Variants in IDO2 observed in about 807,000 individuals in gnomAD.
The protein encoded by IDO2 is indoleamine 2,3-dioxygenase-like 1 protein.
Under a neutral mutation model 45.1 loss-of-function variants are expected in IDO2, and 46 were observed. That is an observed-to-expected ratio of 1.02 (90% CI 0.80 to 1.30). The LOEUF is 1.30. Ranked by LOEUF, IDO2 falls within the 50% of genes most tolerant of loss-of-function variation. The probability of loss-of-function intolerance (pLI) is 0.00; values close to 1 mark genes in which losing one functional copy is unlikely to be tolerated. For synonymous variants in IDO2, 218 were observed against 184.9 expected, an observed-to-expected ratio of 1.18 and a Z score of -1.45; for missense variants, 544 against 491.8, an observed-to-expected ratio of 1.11 and a Z score of -1.00.
intron 3 of IDO2, among the ~76,000 whole-genome samples, chr8:39,972,207 T>G (rs567321899): frequency 1.4e-4 from 21 of 152,380 alleles, no homozygotes; most frequent in African/African-American, 4.6e-4. Flanking sequence ...GTGTTTGAGC[T>G]GCTGTTGAAA....
intron 3 of IDO2, among the ~76,000 whole-genome samples, chr8:39,974,241 CATGTGTGT>C (rs757120900): frequency 3.0e-4 from 45 of 152,104 alleles, no homozygotes; most frequent in Non-Finnish European, 4.7e-4. Context: ...CATACAGACC[CATGTGTGT>C]ATGGAATACA....
At chr8:40,001,825 T>A (rs867155541) in intron 8 of IDO2, among the ~76,000 whole-genome samples, 1 of 152,030 alleles carries the variant, frequency 6.6e-6, no homozygotes, top group South Asian at 2.1e-4. Flanking sequence ...CTCATTTTGT[T>A]GTCCAGGCTG....
chr8:39,998,631 T>A (rs1373286984), intron 8 of IDO2: 3 of 99,914 alleles, frequency 3.0e-5, no homozygotes, highest in Non-Finnish European at 6.2e-5. Flanking sequence ...ATGCTTTTTT[T>A]CTTCTTCTTT....
intron 3 of IDO2, among the ~76,000 whole-genome samples, chr8:39,968,965 G>A (rs1293881007): frequency 6.6e-6 from 1 of 151,816 alleles, no homozygotes; most frequent in East Asian, 1.9e-4. Flanking sequence ...AGAGTGGGGA[G>A]TAGGGAAAGG....
chr8:39,982,519 A>G (rs1284875146), intron 4 of IDO2, 133 bp from the exon 5 acceptor site: 3 of 609,310 alleles, frequency 4.9e-6, no homozygotes, highest in East Asian at 5.6e-5. Context: ...AATGTGCATC[A>G]CTCAGGTAAT....
chr8:39,943,895 CAG>C (rs1316171274), intron 1 of IDO2, among the ~76,000 whole-genome samples: 1 of 152,100 alleles, frequency 6.6e-6, no homozygotes, highest in Non-Finnish European at 1.5e-5. Flanking sequence ...AGCAATCAAA[CAG>C]GGGAAGTGGA....
In IDO2 at chr8:40,009,063, G is replaced by A. The variant is rs550802810; in HGVS notation, c.719+3685G>A. 1.5e-3 allele frequency among the ~76,000 whole-genome samples: 225 copies of A among 152,148 alleles called. 3 individuals carry two copies. The highest frequency in any genetic ancestry group is 1.6e-4 in the Non-Finnish European group (11 of 67,986). On this transcript the variant is annotated intron_variant, in intron 9 of 10. Transcript: ENST00000502986. ...GAGGTCTCGCTTTGTCGCCCAGGCT[G>A]GAGCGCAATGGCGCAATCTTGGCTC...
chr8:39,935,091 A>G, exon 1 of IDO2: 1 of 969,940 alleles, frequency 1.0e-6, no homozygotes. Context: ...TAGATTTGAC[A>G]TTAGAAATGT....
intron 3 of IDO2, among the ~76,000 whole-genome samples, chr8:39,975,226 C>A (rs575441887): frequency 1.9e-4 from 28 of 146,952 alleles, no homozygotes; most frequent in African/African-American, 6.8e-4. Flanking sequence ...AGTGCATTGG[C>A]GTGATCTTGG....
chr8:39,951,193 T>C (rs1256756746), intron 2 of IDO2, among the ~76,000 whole-genome samples: 1 of 151,730 alleles, frequency 6.6e-6, no homozygotes, highest in African/African-American at 2.4e-5. Context: ...TCTTTAATCA[T>C]AGTTAAATGG....
chr8:39,935,243 C>T lies in IDO2; in HGVS notation c.-18+25C>T. ...GGTAAGTACACTGGTAACTTCTTTT[C>T]TAACCTCGTATGCATAATGTAAACA... is the stretch of plus-strand genomic sequence containing the variant. On this transcript the variant is annotated intron_variant, in intron 1 of 10. Coordinates refer to ENST00000502986, the Ensembl canonical transcript of IDO2. The T allele has an allele frequency of 1.9e-6, 3 of 1,594,822 alleles. No individual in the cohort carries two copies. In the South Asian group the frequency reaches 3.3e-5, roughly 18 times the overall value.
chr8:39,954,054 C>G (rs139937647), intron 2 of IDO2, among the ~76,000 whole-genome samples: 1 of 152,004 alleles, frequency 6.6e-6, no homozygotes, highest in African/African-American at 2.4e-5. Context: ...AAAATTTTTC[C>G]GGCCATTTTA....
At chr8:39,936,220 T>C (rs1189162583) in intron 1 of IDO2, among the ~76,000 whole-genome samples, 3 of 152,234 alleles carry the variant, frequency 2.0e-5, no homozygotes, top group East Asian at 1.9e-4. Flanking sequence ...TACAAGGTAC[T>C]GTAGATGCAT....
intron 3 of IDO2, among the ~76,000 whole-genome samples, chr8:39,963,952 T>C (rs904020240): frequency 3.3e-5 from 5 of 152,158 alleles, no homozygotes; most frequent in Non-Finnish European, 7.3e-5. Flanking sequence ...ACCAAATGTT[T>C]GTTTAAAGAA....
At position 40,013,778 on chromosome 8, in the gene IDO2, T is replaced by TA. The variant is rs1463355019; in HGVS notation, c.868+65_868+66insA. 2.1e-3 allele frequency: 933 copies of TA among 445,056 alleles called. 3 individuals carry two copies. The highest frequency in any genetic ancestry group is 3.3e-3 in the South Asian group (89 of 26,648). The allele number at this position is 445,056 out of a possible 1,614,324, so 27.6% of individuals were successfully genotyped here. A position where few individuals can be genotyped will look rare whatever the true frequency, so the allele number is the denominator to read the frequency against. On this transcript the variant is annotated intron_variant, in intron 10 of 10. Transcript: ENST00000502986. ...GGAAGAGGAGAGGTGTTTTTTTTTTTTCCAATTGATAAAACCAAATATAAA... is the reference window on the plus strand; with the variant it reads ...GGAAGAGGAGAGGTGTTTTTTTTTTTATCCAATTGATAAAACCAAATATAAA...
intron 2 of IDO2, among the ~76,000 whole-genome samples, chr8:39,950,636 G>A (rs1252616589): frequency 6.6e-6 from 1 of 152,208 alleles, no homozygotes; most frequent in African/African-American, 2.4e-5. Flanking sequence ...AGGAGACAGA[G>A]TTATTTATAA....
chr8:40,002,173 CTTATAA>C (rs1310585570), intron 8 of IDO2, among the ~76,000 whole-genome samples: 1 of 152,092 alleles, frequency 6.6e-6, no homozygotes, highest in Non-Finnish European at 1.5e-5. Context: ...CTACTTGCTA[CTTATAA>C]TTATCTGTAA....
intron 8 of IDO2, among the ~76,000 whole-genome samples, chr8:40,002,401 C>T (rs4736961): frequency 0.11 from 17,034 of 152,194 alleles, 1,385 homozygotes; most frequent in East Asian, 0.34. Context: ...GCAGAGCAAA[C>T]CCCGTCACCT....
chr8:39,937,154 T>C (rs1807565223), intron 1 of IDO2, among the ~76,000 whole-genome samples: 1 of 152,228 alleles, frequency 6.6e-6, no homozygotes, highest in African/African-American at 2.4e-5. Flanking sequence ...TGAATTTTAT[T>C]TTGTGAAAAA....
Sources: allele counts gnomAD v4.1 joint callset (sites outside exome capture counted in the v4.1 genomes callset), GRCh38; gene constraint gnomAD v4.1.1; transcripts MANE v1.5; gene names NCBI Gene and HGNC (gene_info 2026-07-23, HGNC 2026-07-21).